EDIL3: variants seen among roughly 807,000 people sequenced by gnomAD.
EDIL3 encodes EGF like and discoidin domains 3.
Under a neutral mutation model 67.4 loss-of-function variants are expected in EDIL3, and 37 were observed. The observed-to-expected ratio is 0.55, with a 90% confidence interval of 0.42 to 0.72. The LOEUF is 0.72. Among genes scored for constraint, EDIL3 ranks in the 30% least tolerant of loss-of-function variants. The pLI is 0.00. For synonymous variants in EDIL3, 195 were observed against 196.3 expected (o/e 0.99, Z 0.05); for missense variants, 527 against 586.3 (o/e 0.90, Z 1.04).
At chr5:84,175,882 G>T (rs1252192483) in intron 4 of EDIL3, among the ~76,000 whole-genome samples, 1 of 151,882 alleles carries the variant, frequency 6.6e-6, no homozygotes, top group African/African-American at 2.4e-5. Flanking sequence ...GCTGAAGTGG[G>T]GCCAGTAATC....
chr5:83,943,288 T>C lies in EDIL3; in HGVS notation c.*131A>G. On this transcript the variant is annotated 3_prime_UTR_variant, in exon 11 of 11. Transcript: ENST00000296591. Reference sequence around the variant, plus strand: ...CCCCTTAAAAACACCGTTAGTTGCCTACCATAATTTGAGCACTTTTTCATG... The same window carrying C: ...CCCCTTAAAAACACCGTTAGTTGCCCACCATAATTTGAGCACTTTTTCATG... 7.9e-7 allele frequency: 1 copy of C among 1,259,484 alleles called. No homozygotes were observed. Among genetic ancestry groups the C allele is most frequent in the Admixed American group, 2.5e-5 (1 of 40,130 alleles). The allele number at this position is 1,259,484 out of a possible 1,614,324, so 78.0% of individuals were successfully genotyped here. A position where few individuals can be genotyped will look rare whatever the true frequency, so the allele number is the denominator to read the frequency against.
intron 6 of EDIL3, among the ~76,000 whole-genome samples, chr5:84,090,952 A>C (rs1203840607): frequency 7.5e-6 from 1 of 133,660 alleles, no homozygotes; most frequent in Non-Finnish European, 1.7e-5. Context: ...GTCTCAAAAA[A>C]ACAAAAAAAA....
chr5:84,266,912 A>C (rs907123180), intron 1 of EDIL3, among the ~76,000 whole-genome samples: 6 of 152,224 alleles, frequency 3.9e-5, no homozygotes, highest in African/African-American at 1.4e-4. Context: ...TTCACTATGT[A>C]CCAAAAATTA....
intron 1 of EDIL3, among the ~76,000 whole-genome samples, chr5:84,272,367 G>A (rs564290728): frequency 5.9e-5 from 9 of 151,816 alleles, no homozygotes; most frequent in African/African-American, 2.2e-4. Flanking sequence ...CAACCTCCAC[G>A]TAATTGTCAT....
intron 4 of EDIL3, among the ~76,000 whole-genome samples, chr5:84,142,825 C>CG (rs1265402515): frequency 1.0e-4 from 15 of 147,188 alleles, no homozygotes; most frequent in Admixed American, 6.1e-4. Context: ...CGGTGCCCCC[C>CG]CCCCCAAGCT....
At chr5:84,103,188 C>A (rs1310223147) in intron 6 of EDIL3, among the ~76,000 whole-genome samples, 6 of 152,002 alleles carry the variant, frequency 3.9e-5, no homozygotes, top group Non-Finnish European at 8.8e-5. Flanking sequence ...GAAACTGGAC[C>A]CTTTCCTTAC....
intron 5 of EDIL3, among the ~76,000 whole-genome samples, chr5:84,129,900 A>G (rs564079225): frequency 6.6e-6 from 1 of 152,242 alleles, no homozygotes; most frequent in South Asian, 2.1e-4. Context: ...CTAAAAGATA[A>G]GATATACTAA....
intron 9 of EDIL3, among the ~76,000 whole-genome samples, chr5:84,057,964 C>T (rs1746478633): frequency 6.6e-6 from 1 of 152,066 alleles, no homozygotes. Context: ...GACAAAATTA[C>T]AGACGATGTA....
chr5:84,234,626 A>G (rs1744644477), intron 2 of EDIL3, among the ~76,000 whole-genome samples: 1 of 152,180 alleles, frequency 6.6e-6, no homozygotes, highest in Non-Finnish European at 1.5e-5. Flanking sequence ...ATTAAAAACA[A>G]TTTTACACCC....
chr5:84,280,390 T>C (rs939417362), intron 1 of EDIL3, among the ~76,000 whole-genome samples: 15 of 152,220 alleles, frequency 9.9e-5, no homozygotes, highest in Non-Finnish European at 2.1e-4. Context: ...ATGTCTACAG[T>C]GTTTTCTGTA....
intron 1 of EDIL3, among the ~76,000 whole-genome samples, chr5:84,282,586 C>T (rs897325767): frequency 2.0e-5 from 3 of 151,910 alleles, no homozygotes; most frequent in Non-Finnish European, 4.4e-5. Context: ...TTTCCTTGTA[C>T]CCTGTGCAAA....
intron 4 of EDIL3, among the ~76,000 whole-genome samples, chr5:84,179,016 G>A (rs959376823): frequency 6.6e-6 from 1 of 152,158 alleles, no homozygotes; most frequent in Admixed American, 6.5e-5. Flanking sequence ...TGAAGCTATA[G>A]TTTGAATATA....
chr5:84,096,606 G>C (rs984052467), intron 6 of EDIL3, among the ~76,000 whole-genome samples: 4 of 152,166 alleles, frequency 2.6e-5, no homozygotes, highest in African/African-American at 7.2e-5. Context: ...AGGCTGAAGG[G>C]ACTTGGTTTT....
At chr5:84,332,305 G>C (rs1326809705) in intron 1 of EDIL3, among the ~76,000 whole-genome samples, 1 of 152,140 alleles carries the variant, frequency 6.6e-6, no homozygotes, top group East Asian at 1.9e-4. Flanking sequence ...GCGGGGGTTG[G>C]AAACCATAGT....
At chr5:84,052,713 G>A (rs1175898443) in intron 9 of EDIL3, among the ~76,000 whole-genome samples, 1 of 152,158 alleles carries the variant, frequency 6.6e-6, no homozygotes, top group African/African-American at 2.4e-5. Context: ...AGACAAAGAA[G>A]GCCATTACAT....
chr5:84,210,684 T>C (rs1160575383), intron 3 of EDIL3, among the ~76,000 whole-genome samples: 4 of 152,196 alleles, frequency 2.6e-5, no homozygotes, highest in African/African-American at 9.6e-5. Context: ...ACCACTGAAA[T>C]CAAAGTTAGT....
intron 3 of EDIL3, among the ~76,000 whole-genome samples, chr5:84,209,573 T>C (rs572426992): frequency 2.0e-5 from 3 of 152,234 alleles, no homozygotes; most frequent in African/African-American, 7.2e-5. Flanking sequence ...ATCCTGGTTT[T>C]GTACAGTACA....
chr5:84,102,731 C>A (rs1747390036), intron 6 of EDIL3, among the ~76,000 whole-genome samples: 2 of 151,902 alleles, frequency 1.3e-5, no homozygotes, highest in South Asian at 4.1e-4. Context: ...AGAGATAACA[C>A]AAACAAATGG....
intron 4 of EDIL3, among the ~76,000 whole-genome samples, chr5:84,176,294 AT>A (rs901095079): frequency 2.5e-4 from 20 of 79,358 alleles, no homozygotes; most frequent in African/African-American, 8.2e-4. Context: ...TATATATAAA[AT>A]ATATTTCCAT....
Sources: gnomAD v4.1 joint callset for allele counts (sites outside exome capture counted in the v4.1 genomes callset) on GRCh38, gnomAD v4.1.1 for gene constraint, MANE v1.5 for transcripts, NCBI Gene and HGNC (gene_info 2026-07-23, HGNC 2026-07-21) for gene names.